The following MSI2 variants were observed in gnomAD, a reference collection of about 807,000 sequenced individuals.
The protein encoded by MSI2 is RNA-binding protein Musashi homolog 2.
Under a neutral mutation model 45.6 loss-of-function variants are expected in MSI2, and 17 were observed. The ratio of observed to expected loss-of-function variants is 0.37; its 90% CI spans 0.26 to 0.56. The LOEUF (loss-of-function observed/expected upper bound fraction) is 0.56, where lower values mean the gene tolerates loss of function less well. Among genes scored for constraint, MSI2 ranks in the 20% least tolerant of loss-of-function variants. The pLI is 0.77. For missense variants in MSI2, 293 were observed against 444.2 expected, an observed-to-expected ratio of 0.66 and a Z score of 3.06; for synonymous variants, 156 against 158.2, an observed-to-expected ratio of 0.99 and a Z score of 0.11.
chr17:57,566,280 C>T (rs1018619596), intron 7 of MSI2, among the ~76,000 whole-genome samples: 2 of 152,154 alleles, frequency 1.3e-5, no homozygotes, highest in South Asian at 4.1e-4. Flanking sequence ...TAAGTTAATT[C>T]CTCTTGGCAC....
chr17:57,589,195 C>T (rs779198367), intron 7 of MSI2, among the ~76,000 whole-genome samples: 5 of 152,144 alleles, frequency 3.3e-5, no homozygotes, highest in South Asian at 2.1e-4. Flanking sequence ...TGTCTGAAAA[C>T]GCCCAGGAAC....
chr17:57,579,374 T>G (rs934379773), intron 7 of MSI2, among the ~76,000 whole-genome samples: 1 of 152,154 alleles, frequency 6.6e-6, no homozygotes. Flanking sequence ...CTGGCCCCCA[T>G]GCTGGGTGGT....
chr17:57,276,640 G>GT (rs1567730682), intron 5 of MSI2, among the ~76,000 whole-genome samples: 13 of 152,328 alleles, frequency 8.5e-5, no homozygotes, highest in Middle Eastern at 6.8e-3. Context: ...GTGGGTGTGG[G>GT]TTCTGAGCTA....
At chr17:57,384,439 T>A (rs2083650594) in intron 5 of MSI2, among the ~76,000 whole-genome samples, 1 of 152,224 alleles carries the variant, frequency 6.6e-6, no homozygotes, top group Non-Finnish European at 1.5e-5. Flanking sequence ...GGAGTGGGAC[T>A]TCTTGCTTGG....
At chr17:57,673,947 CT>C (rs911991022) in intron 11 of MSI2, among the ~76,000 whole-genome samples, 429 of 144,694 alleles carry the variant, frequency 3.0e-3, no homozygotes, top group Middle Eastern at 0.014. Context: ...ACTTCTTTGT[CT>C]TTTTTTTTTT....
chr17:57,412,316 G>C (rs1021772610), intron 6 of MSI2, among the ~76,000 whole-genome samples: 3 of 152,152 alleles, frequency 2.0e-5, no homozygotes, highest in Non-Finnish European at 2.9e-5. Context: ...GGGATTACAG[G>C]TGTGAGCTAC....
At chr17:57,341,115 T>C (rs1915107326) in intron 5 of MSI2, among the ~76,000 whole-genome samples, 1 of 152,006 alleles carries the variant, frequency 6.6e-6, no homozygotes, top group African/African-American at 2.4e-5. Context: ...ATGGATGATA[T>C]GAGAGTAGAG....
chr17:57,500,122 G>T (rs2086070530), intron 6 of MSI2, among the ~76,000 whole-genome samples: 1 of 152,192 alleles, frequency 6.6e-6, no homozygotes, highest in Non-Finnish European at 1.5e-5. Context: ...AATACAGTCT[G>T]CCACATGTGG....
At chr17:57,257,657 G>A (rs1034453368) in intron 3 of MSI2, 110 bp downstream of exon 3, 2 of 752,674 alleles carry the variant, frequency 2.7e-6, no homozygotes, top group African/African-American at 3.5e-5. Context: ...GCTCAGGCGC[G>A]TGGCTGATCT....
intron 4 of MSI2, among the ~76,000 whole-genome samples, chr17:57,258,960 TC>T (rs1216990883): frequency 1.3e-5 from 2 of 152,124 alleles, no homozygotes; most frequent in Admixed American, 6.5e-5. Flanking sequence ...TTTTTTTCCT[TC>T]CTTTTCTTTC....
chr17:57,641,397 C>T (rs1017180115), intron 10 of MSI2, among the ~76,000 whole-genome samples: 2 of 152,044 alleles, frequency 1.3e-5, no homozygotes, highest in African/African-American at 2.4e-5. Flanking sequence ...AAAAAGCCCA[C>T]GTGACATGAA....
intron 7 of MSI2, among the ~76,000 whole-genome samples, chr17:57,533,582 T>G (rs979318530): frequency 6.6e-6 from 1 of 152,220 alleles, no homozygotes; most frequent in Non-Finnish European, 1.5e-5. Flanking sequence ...TTGCTGTTTT[T>G]GTGACTAGGG....
At chr17:57,327,036 G>A (rs1913855161) in intron 5 of MSI2, among the ~76,000 whole-genome samples, 1 of 152,270 alleles carries the variant, frequency 6.6e-6, no homozygotes, top group African/African-American at 2.4e-5. Flanking sequence ...GTGCCAAATG[G>A]AGCTCGGTAC....
chr17:57,260,500 T>TA lies in MSI2; in HGVS notation c.271-1643dup, dbSNP rs534926281. 4.1e-3 allele frequency among the ~76,000 whole-genome samples: 625 copies of TA among 151,856 alleles called. 3 individuals are homozygous for TA. Among genetic ancestry groups the TA allele is most frequent in the African/African-American group, 0.015 (603 of 41,388 alleles). ...TGATTGCAATTGTGTGCCGGCCAAC[T>TA]AAAAAAAACACCCTCTGGGGAGTAT... On this transcript the variant is annotated intron_variant, in intron 4 of 13. Transcript: ENST00000284073.
chr17:57,472,833 TC>T (rs1280008721), intron 6 of MSI2, among the ~76,000 whole-genome samples: 1 of 151,998 alleles, frequency 6.6e-6, no homozygotes, highest in East Asian at 1.9e-4. Context: ...CTGAACCTTT[TC>T]CCTACTCACA....
intron 5 of MSI2, among the ~76,000 whole-genome samples, chr17:57,308,143 AGAG>A (rs1912069969): frequency 6.6e-6 from 1 of 152,156 alleles, no homozygotes; most frequent in South Asian, 2.1e-4. Context: ...TATTTGTCAC[AGAG>A]GAGGAGTAAT....
intron 5 of MSI2, among the ~76,000 whole-genome samples, chr17:57,377,790 G>T (rs987690753): frequency 1.3e-5 from 2 of 152,048 alleles, no homozygotes; most frequent in South Asian, 2.1e-4. Context: ...AGAAGTGAAG[G>T]CATGGCCAGG....
chr17:57,537,437 T>A (rs1218726163), intron 7 of MSI2, among the ~76,000 whole-genome samples: 1 of 152,246 alleles, frequency 6.6e-6, no homozygotes, highest in Non-Finnish European at 1.5e-5. Context: ...CTGCACATTT[T>A]ATTTTCTCGT....
At chr17:57,423,232 G>A (rs868038787) in intron 6 of MSI2, among the ~76,000 whole-genome samples, 3 of 152,216 alleles carry the variant, frequency 2.0e-5, no homozygotes, top group Admixed American at 1.3e-4. Context: ...GGCTAAAAAT[G>A]TGCAGCTTGC....
Sources: gnomAD v4.1 joint callset for allele counts (sites outside exome capture counted in the v4.1 genomes callset) on GRCh38, gnomAD v4.1.1 for gene constraint, MANE v1.5 for transcripts, NCBI Gene and HGNC (gene_info 2026-07-23, HGNC 2026-07-21) for gene names.